Variants in EVI5 observed in about 807,000 individuals in gnomAD.
EVI5 encodes the protein ecotropic viral integration site 5.
In EVI5, 73 loss-of-function variants were observed where a neutral mutation model predicts 112.0. The observed-to-expected ratio is 0.65, with a 90% confidence interval of 0.54 to 0.79. The LOEUF (loss-of-function observed/expected upper bound fraction) is 0.79. EVI5 is among the 30% of genes least tolerant of loss of function. The probability of loss-of-function intolerance (pLI) is 0.00; values close to 1 mark genes in which losing one functional copy is unlikely to be tolerated. For synonymous variants in EVI5, 305 were observed against 319.9 expected (o/e 0.95, Z 0.50); for missense variants, 900 against 968.8 (o/e 0.93, Z 0.94).
At chr1:92,569,084 G>A (rs1272123689) in intron 18 of EVI5, among the ~76,000 whole-genome samples, 1 of 152,158 alleles carries the variant, frequency 6.6e-6, no homozygotes, top group Non-Finnish European at 1.5e-5. Flanking sequence ...AGCTCTGGTG[G>A]AGAAATACTG....
At chr1:92,728,743 G>T (rs1318715377) in intron 2 of EVI5, among the ~76,000 whole-genome samples, 1 of 152,166 alleles carries the variant, frequency 6.6e-6, no homozygotes, top group African/African-American at 2.4e-5. Flanking sequence ...TAAACAGAAA[G>T]TTCCAGAAGT....
chr1:92,784,249 C>T lies in EVI5; in HGVS notation c.-82+587G>A, dbSNP rs76427731. 796 of 964,384 alleles carry T rather than the reference C, an allele frequency of 8.3e-4. 4 individuals are homozygous for T. The African/African-American group carries it at 0.013, about 16-fold the overall frequency. The allele number at this position is 964,384 out of a possible 1,614,324, so 59.7% of individuals were successfully genotyped here. ...TGGAAACACCAACACCACAATCCAACCTACCGGAAATCCTGAGGTTAATTT... is the reference window on the plus strand; with the variant it reads ...TGGAAACACCAACACCACAATCCAATCTACCGGAAATCCTGAGGTTAATTT... On this transcript the variant is annotated intron_variant, in intron 1 of 19. Transcript: ENST00000684568.
chr1:92,629,936 G>C (rs1298698896), intron 14 of EVI5, among the ~76,000 whole-genome samples: 2 of 151,298 alleles, frequency 1.3e-5, no homozygotes, highest in African/African-American at 4.9e-5. Context: ...TTGTCCTTGT[G>C]ATAGTTTGCT....
In EVI5 at chr1:92,607,574, T is replaced by C. The variant is rs940413915; in HGVS notation, c.1974+7A>G. The C allele has an allele frequency of 7.0e-6, 11 of 1,560,952 alleles. No individual in the cohort carries two copies. The African/African-American group carries it at 1.5e-4, about 22-fold the overall frequency. On this transcript the variant is annotated splice_region_variant and intron_variant, in intron 17 of 19. Coordinates refer to ENST00000684568, the MANE Select transcript of EVI5 (RefSeq NM_001350197.2). Reference sequence around the variant, plus strand: ...AAAAAACAAAATCAGTTAGTTGACATATTTACCTTGCATTCAATCTCTGCT... The same window carrying C: ...AAAAAACAAAATCAGTTAGTTGACACATTTACCTTGCATTCAATCTCTGCT...
chr1:92,614,882 A>ATC (rs1652749150), intron 16 of EVI5, among the ~76,000 whole-genome samples: 2 of 2,456 alleles, frequency 8.1e-4, no homozygotes, highest in Non-Finnish European at 1.4e-3. Flanking sequence ...ATATATATAT[A>ATC]TATCTCCTAT....
In EVI5 at chr1:92,620,754, GA is replaced by G. The variant is rs1002618541; in HGVS notation, c.1827+3421del. Among the ~76,000 whole-genome samples, 25 of 152,096 alleles carry G rather than the reference GA, an allele frequency of 1.6e-4. 1 individual carries two copies. The highest frequency in any genetic ancestry group is 6.0e-4 in the African/African-American group (25 of 41,446). On this transcript the variant is annotated intron_variant, in intron 16 of 19. Coordinates refer to ENST00000684568, the MANE Select transcript of EVI5 (RefSeq NM_001350197.2). ...AATGATAAAAGAACTTCTTAAAGCA[GA>G]AAAGATAAGATACCAGACAGAAACA...
In EVI5 at chr1:92,625,824, C is replaced by T. The variant is rs1313729499; in HGVS notation, c.1638G>A (p.Gln546=). ...AGTGTTCCTCTAAATCCTTGACTTG[C>T]TGTCTAAGTTCTTTCAAACCCATAA... ...EAIMGLKELR[Q]QVKDLEEHWQ... The change falls in exon 15 of 20, where the codon CAG becomes CAA. Residue 546 remains glutamine, a synonymous_variant. Coordinates refer to ENST00000684568, the MANE Select transcript of EVI5 (RefSeq NM_001350197.2). 6.2e-7 allele frequency: 1 copy of T among 1,612,876 alleles called. No individual in the cohort carries two copies. Among genetic ancestry groups the T allele is most frequent in the African/African-American group, 1.3e-5 (1 of 74,874 alleles).
chr1:92,747,211 A>T (rs568817332), intron 1 of EVI5, among the ~76,000 whole-genome samples: 12 of 152,202 alleles, frequency 7.9e-5, no homozygotes, highest in Non-Finnish European at 1.8e-4. Context: ...TATCATAAGT[A>T]ATCTAGAAAT....
chr1:92,671,136 C>G (rs1160112324), intron 10 of EVI5, among the ~76,000 whole-genome samples: 1 of 152,146 alleles, frequency 6.6e-6, no homozygotes, highest in Non-Finnish European at 1.5e-5. Context: ...AAAAATATCT[C>G]TAATTTTTCT....
At chr1:92,767,851 G>A (rs571254127) in intron 1 of EVI5, among the ~76,000 whole-genome samples, 1 of 152,206 alleles carries the variant, frequency 6.6e-6, no homozygotes, top group African/African-American at 2.4e-5. Context: ...AGGCCAAGGC[G>A]GGTGAATCAC....
chr1:92,605,413 A>G lies in EVI5; in HGVS notation c.1975-11T>C. On this transcript the variant is annotated splice_polypyrimidine_tract_variant and intron_variant, in intron 17 of 19. Transcript: ENST00000684568. The stretch of plus-strand genomic sequence containing the variant: ...CACTTCTTCCTTATTCTAGTGTGGT[A>G]AACCAAACCGAAACAAAATAAACCA... 1.9e-6 allele frequency: 3 copies of G among 1,573,662 alleles called. No individual in the cohort carries two copies. Among genetic ancestry groups the G allele is most frequent in the Non-Finnish European group, 2.6e-6 (3 of 1,145,388 alleles).
At position 92,770,789 on chromosome 1, in the gene EVI5, CA is replaced by C. The variant is rs1297004232; in HGVS notation, c.-82+14046del. On this transcript the variant is annotated intron_variant, in intron 1 of 19. Coordinates refer to ENST00000684568, the MANE Select transcript of EVI5 (RefSeq NM_001350197.2). ...TGGGCGACAGAGCGGGACTCCATCTCAAAAAAAAGAAAAAGAAACCTCCAAA... is the reference window on the plus strand; with the variant it reads ...TGGGCGACAGAGCGGGACTCCATCTCAAAAAAAGAAAAAGAAACCTCCAAA... Among the ~76,000 whole-genome samples, 6 of 150,782 alleles carry C rather than the reference CA, an allele frequency of 4.0e-5. No homozygotes were observed. In the East Asian group the frequency reaches 1.2e-3, roughly 29 times the overall value.
chr1:92,672,620 C>A (rs189567384), intron 10 of EVI5, among the ~76,000 whole-genome samples: 1 of 152,258 alleles, frequency 6.6e-6, no homozygotes, highest in Non-Finnish European at 1.5e-5. Context: ...TTGTTATTTC[C>A]ATATTAAAAT....
intron 1 of EVI5, among the ~76,000 whole-genome samples, chr1:92,774,355 T>C (rs1335172645): frequency 1.3e-5 from 2 of 152,214 alleles, no homozygotes; most frequent in East Asian, 1.9e-4. Context: ...TTTTATACAG[T>C]ATCTGCTAAC....
At chr1:92,672,887 G>A (rs1666100358) in intron 10 of EVI5, among the ~76,000 whole-genome samples, 1 of 152,146 alleles carries the variant, frequency 6.6e-6, no homozygotes, top group Non-Finnish European at 1.5e-5. Context: ...AGCAGCAGCA[G>A]CACAGTGTAT....
chr1:92,735,638 TC>T, intron 2 of EVI5, among the ~76,000 whole-genome samples: 1 of 16,068 alleles, frequency 6.2e-5, no homozygotes, highest in Non-Finnish European at 1.2e-4. Context: ...ATGATATATG[TC>T]ATATATATAT....
intron 19 of EVI5, among the ~76,000 whole-genome samples, chr1:92,519,712 G>C (rs1271861310): frequency 6.6e-6 from 1 of 151,782 alleles, no homozygotes; most frequent in Non-Finnish European, 1.5e-5. Flanking sequence ...GGCCAACATG[G>C]GGAAACTCCG....
intron 18 of EVI5, among the ~76,000 whole-genome samples, chr1:92,567,226 GTTA>G (rs1284862191): frequency 2.0e-5 from 3 of 152,146 alleles, no homozygotes; most frequent in South Asian, 2.1e-4. Flanking sequence ...TAAACTAAGT[GTTA>G]TTATAAGAGT....
chr1:92,617,508 G>A (rs1021660347), intron 16 of EVI5, among the ~76,000 whole-genome samples: 1 of 152,142 alleles, frequency 6.6e-6, no homozygotes, highest in Non-Finnish European at 1.5e-5. Flanking sequence ...CTGTTCTGAG[G>A]ACACCACTCA....
Sources: gnomAD v4.1 joint callset for allele counts (sites outside exome capture counted in the v4.1 genomes callset) on GRCh38, gnomAD v4.1.1 for gene constraint, MANE v1.5 for transcripts, NCBI Gene and HGNC (gene_info 2026-07-23, HGNC 2026-07-21) for gene names.